ATF7: variants seen among roughly 807,000 people sequenced by gnomAD.
ATF7 encodes cyclic AMP-dependent transcription factor ATF-7.
ATF7 carries 10 observed loss-of-function variants against 50.4 expected under a neutral mutation model. That is an observed-to-expected ratio of 0.20 (90% CI 0.12 to 0.34). The LOEUF is 0.34. Ranked by LOEUF, ATF7 falls within the 10% of genes least tolerant of loss-of-function variation. The pLI, the probability that ATF7 is intolerant of heterozygous loss-of-function variation, is 1.00. For missense variants in ATF7, 465 were observed against 613.9 expected (o/e 0.76, Z 2.56); for synonymous variants, 201 against 226.4 (o/e 0.89, Z 1.01).
At chr12:53,589,291 G>A (rs1236385301) in intron 2 of ATF7, among the ~76,000 whole-genome samples, 1 of 152,136 alleles carries the variant, frequency 6.6e-6, no homozygotes, top group African/African-American at 2.4e-5. Flanking sequence ...CTCAGAGGTT[G>A]CTAGGATTAA....
intron 9 of ATF7, among the ~76,000 whole-genome samples, chr12:53,531,249 C>T (rs969991241): frequency 1.8e-4 from 27 of 151,726 alleles, no homozygotes; most frequent in Admixed American, 9.2e-4. Context: ...GGTGAGACCC[C>T]GCCTCTACTA....
intron 2 of ATF7, among the ~76,000 whole-genome samples, chr12:53,587,297 G>C (rs1194098136): frequency 6.8e-6 from 1 of 147,278 alleles, no homozygotes; most frequent in Non-Finnish European, 1.5e-5. Context: ...AACCTGGGAA[G>C]TGGAGGCTGC....
At chr12:53,526,000 C>T (rs891076873) in intron 9 of ATF7, among the ~76,000 whole-genome samples, 1 of 151,954 alleles carries the variant, frequency 6.6e-6, no homozygotes, top group African/African-American at 2.4e-5. Flanking sequence ...CACTTGAGAT[C>T]GGGAGTTTGA....
intron 2 of ATF7, among the ~76,000 whole-genome samples, chr12:53,572,372 CA>C (rs1330726103): frequency 6.6e-6 from 1 of 152,118 alleles, no homozygotes; most frequent in Non-Finnish European, 1.5e-5. Context: ...AATCAAGTGC[CA>C]GGGGAGGAAA....
At chr12:53,609,163 T>C (rs1291699229) in intron 1 of ATF7, among the ~76,000 whole-genome samples, 1 of 151,486 alleles carries the variant, frequency 6.6e-6, no homozygotes, top group Non-Finnish European at 1.5e-5. Context: ...TTTCCTTTTT[T>C]TTTTTTTTGA....
intron 1 of ATF7, among the ~76,000 whole-genome samples, chr12:53,617,692 T>G (rs1375045007): frequency 6.6e-6 from 1 of 152,116 alleles, no homozygotes; most frequent in Non-Finnish European, 1.5e-5. Context: ...TTTGCTTTGG[T>G]TGGGAACCTT....
At chr12:53,574,154 A>G (rs1941926444) in intron 2 of ATF7, among the ~76,000 whole-genome samples, 1 of 152,234 alleles carries the variant, frequency 6.6e-6, no homozygotes, top group African/African-American at 2.4e-5. Context: ...TTAACAGTCC[A>G]GGAATTCCAA....
intron 3 of ATF7, among the ~76,000 whole-genome samples, chr12:53,551,584 A>T (rs988957871): frequency 6.6e-6 from 1 of 152,220 alleles, no homozygotes; most frequent in Non-Finnish European, 1.5e-5. Context: ...TATGAAATAA[A>T]TATCTGCTGA....
At chr12:53,552,463 C>T (rs1940432599) in intron 3 of ATF7, 78 bp downstream of exon 3, 6 of 1,113,802 alleles carry the variant, frequency 5.4e-6, no homozygotes, top group Non-Finnish European at 8.1e-6. Context: ...GAGTACAGCT[C>T]CCAGTACATC....
chr12:53,561,188 C>T (rs1402431679), intron 2 of ATF7, among the ~76,000 whole-genome samples: 1 of 151,892 alleles, frequency 6.6e-6, no homozygotes, highest in East Asian at 1.9e-4. Context: ...GTGATCATCC[C>T]ACCTCAGCCT....
intron 2 of ATF7, among the ~76,000 whole-genome samples, chr12:53,589,729 C>T (rs977051767): frequency 5.3e-5 from 8 of 152,112 alleles, no homozygotes; most frequent in African/African-American, 1.4e-4. Context: ...TCCGTACCAA[C>T]GAGCTAGAAT....
chr12:53,527,785 A>T (rs1313238606), intron 9 of ATF7, among the ~76,000 whole-genome samples: 1 of 151,988 alleles, frequency 6.6e-6, no homozygotes, highest in Non-Finnish European at 1.5e-5. Flanking sequence ...AAAAAAAAGA[A>T]TCTTGTACTC....
At chr12:53,522,914 T>C (rs1177251784) in intron 11 of ATF7, among the ~76,000 whole-genome samples, 1 of 152,184 alleles carries the variant, frequency 6.6e-6, no homozygotes, top group Non-Finnish European at 1.5e-5. Flanking sequence ...TTCACCACTT[T>C]CCCAGCTTGG....
intron 2 of ATF7, among the ~76,000 whole-genome samples, chr12:53,580,331 T>A (rs758397075): frequency 6.7e-6 from 1 of 148,630 alleles, no homozygotes; most frequent in African/African-American, 2.5e-5. Context: ...ATGTTGTATA[T>A]GAGAAAACCC....
chr12:53,611,383 T>G (rs930614715), intron 1 of ATF7, among the ~76,000 whole-genome samples: 1 of 151,688 alleles, frequency 6.6e-6, no homozygotes, highest in Non-Finnish European at 1.5e-5. Context: ...AACCAGGGAG[T>G]TGGAGGTTGC....
In ATF7 at chr12:53,534,548, G is replaced by A. The variant is rs1048148817; in HGVS notation, c.514C>T (p.Pro172Ser). The change falls in exon 6 of 12, where the codon CCA (proline) becomes TCA (serine). Residue 172 changes from proline (P) to serine (S), a missense_variant. Pro to Ser is a moderately conservative substitution (Grantham distance 74). Transcript: ENST00000420353. ...YDPLHPTLPS[P>S]TSVITQAPPS... is the part of the protein sequence containing the mutation. ...GGAGCCTGTGTGATGACAGAGGTTGGGGAGGGAAGGGTTGGATGAAGTGGA... is the reference window on the plus strand; with the variant it reads ...GGAGCCTGTGTGATGACAGAGGTTGAGGAGGGAAGGGTTGGATGAAGTGGA... The A allele has an allele frequency of 6.2e-7, 1 of 1,613,888 alleles. No homozygotes were observed. Among genetic ancestry groups the A allele is most frequent in the Non-Finnish European group, 8.5e-7 (1 of 1,179,854 alleles).
chr12:53,527,481 T>C (rs1938546707), intron 9 of ATF7, among the ~76,000 whole-genome samples: 1 of 146,856 alleles, frequency 6.8e-6, no homozygotes, highest in Non-Finnish European at 1.5e-5. Context: ...AGAACCTGAC[T>C]CAAAAACAAA....
chr12:53,511,955 TGGG>T (rs977024778), downstream of ATF7: 11 of 152,044 alleles, frequency 7.2e-5, no homozygotes, highest in African/African-American at 2.7e-4. Flanking sequence ...TCCTAAGAAA[TGGG>T]GGAGTGATGA....
intron 6 of ATF7, among the ~76,000 whole-genome samples, chr12:53,533,860 C>T (rs929917235): frequency 2.6e-5 from 4 of 152,192 alleles, no homozygotes; most frequent in Non-Finnish European, 5.9e-5. Context: ...TAATGGGTTT[C>T]AGTGTTTCAT....
Sources: gnomAD v4.1 joint callset for allele counts (sites outside exome capture counted in the v4.1 genomes callset) on GRCh38, gnomAD v4.1.1 for gene constraint, MANE v1.5 for transcripts, NCBI Gene and HGNC (gene_info 2026-07-23, HGNC 2026-07-21) for gene names.